EPHB1: variants seen among roughly 807,000 people sequenced by gnomAD.
The protein encoded by EPHB1 is EPH receptor B1.
A neutral mutation model predicts 94.4 loss-of-function variants in EPHB1; 30 were observed. That is an observed-to-expected ratio of 0.32 (90% CI 0.24 to 0.43). The LOEUF (loss-of-function observed/expected upper bound fraction) is 0.43, where lower values mean the gene tolerates loss of function less well. Among genes scored for constraint, EPHB1 ranks in the 20% least tolerant of loss-of-function variants. The pLI is 1.00. For missense variants in EPHB1, 1,055 were observed against 1,308.3 expected, an observed-to-expected ratio of 0.81 and a Z score of 2.99; for synonymous variants, 522 against 489.1, an observed-to-expected ratio of 1.07 and a Z score of -0.89.
chr3:134,915,596 G>A lies in EPHB1; in HGVS notation c.59-10220G>A, dbSNP rs149621390. Among the ~76,000 whole-genome samples, 24 of 152,316 alleles carry A rather than the reference G, an allele frequency of 1.6e-4. No homozygotes were observed. The East Asian group carries it at 3.5e-3, about 22-fold the overall frequency. On this transcript the variant is annotated intron_variant, in intron 1 of 15. Coordinates refer to ENST00000398015, the MANE Select transcript of EPHB1 (RefSeq NM_004441.5). ...GAGTGTTACAGTTCTTAAAGGCGGC[G>A]TGTCTGGACTTTGTTCCTTCTGATG...
intron 3 of EPHB1, among the ~76,000 whole-genome samples, chr3:134,994,018 T>C (rs1934905964): frequency 6.6e-6 from 1 of 152,240 alleles, no homozygotes; most frequent in Non-Finnish European, 1.5e-5. Flanking sequence ...AGATGCCATC[T>C]CTTCCATGAA....
rs866132857 is a variant in EPHB1, at chr3:135,217,466, A to G, written c.2346+15777A>G. Among the ~76,000 whole-genome samples the G allele has an allele frequency of 6.2e-3, 735 of 117,874 alleles. 2 individuals are homozygous for G. Among genetic ancestry groups the G allele is most frequent in the African/African-American group, 0.024 (633 of 26,840 alleles). 77.3% of individuals were successfully genotyped at this position (117,874 alleles called of 152,430 possible). A position where few individuals can be genotyped will look rare whatever the true frequency, so the allele number is the denominator to read the frequency against. On this transcript the variant is annotated intron_variant, in intron 12 of 15. Coordinates refer to ENST00000398015, the MANE Select transcript of EPHB1 (RefSeq NM_004441.5). ...CACACACACACACACACACACACAC[A>G]CGCACACGGGGAGAGAGAGAGAGAG...
chr3:135,146,469 G>C (rs80163877), intron 5 of EPHB1, among the ~76,000 whole-genome samples: 1 of 152,184 alleles, frequency 6.6e-6, no homozygotes, highest in Non-Finnish European at 1.5e-5. Flanking sequence ...TGGGAGCATC[G>C]GGGGCTCCTG....
chr3:135,231,326 C>T (rs1205636377), intron 12 of EPHB1, among the ~76,000 whole-genome samples: 2 of 152,170 alleles, frequency 1.3e-5, no homozygotes, highest in South Asian at 2.1e-4. Flanking sequence ...GCTGTTTGCC[C>T]AGTCAGTATA....
At chr3:134,875,348 G>A (rs966983772) in intron 1 of EPHB1, among the ~76,000 whole-genome samples, 7 of 152,160 alleles carry the variant, frequency 4.6e-5, no homozygotes, top group Non-Finnish European at 1.0e-4. Context: ...AGGCCAGCTG[G>A]GAGGGAGAGA....
chr3:135,166,892 G>A, intron 8 of EPHB1, 50 bp from the exon 9 acceptor site: 1 of 1,606,030 alleles, frequency 6.2e-7, no homozygotes, highest in Middle Eastern at 1.7e-4. Flanking sequence ...ACCTGGAACA[G>A]ACTGGTGGGT....
intron 3 of EPHB1, among the ~76,000 whole-genome samples, chr3:135,027,868 T>A (rs1936252074): frequency 7.4e-6 from 1 of 135,150 alleles, no homozygotes; most frequent in Non-Finnish European, 1.6e-5. Context: ...CTCTTTTTGC[T>A]TGGTAAGGTA....
At chr3:134,866,666 G>A (rs1386870165) in intron 1 of EPHB1, among the ~76,000 whole-genome samples, 1 of 152,226 alleles carries the variant, frequency 6.6e-6, no homozygotes, top group Non-Finnish European at 1.5e-5. Context: ...GCAGCTGGCA[G>A]GGTATTTAGC....
intron 5 of EPHB1, among the ~76,000 whole-genome samples, chr3:135,145,935 G>A (rs931515837): frequency 2.6e-5 from 4 of 152,210 alleles, no homozygotes; most frequent in East Asian, 1.9e-4. Flanking sequence ...AGAAGAGCCC[G>A]CAATCATTGC....
chr3:134,860,557 G>A (rs2037232432), intron 1 of EPHB1, among the ~76,000 whole-genome samples: 1 of 152,158 alleles, frequency 6.6e-6, no homozygotes, highest in African/African-American at 2.4e-5. Flanking sequence ...GCTCACGCCT[G>A]TAATCCCAGC....
At chr3:135,229,980 G>A (rs1163271765) in intron 12 of EPHB1, among the ~76,000 whole-genome samples, 1 of 152,216 alleles carries the variant, frequency 6.6e-6, no homozygotes, top group Non-Finnish European at 1.5e-5. Flanking sequence ...CATGGGGAAA[G>A]GCCCAGGGGT....
At chr3:135,102,312 G>A (rs1047796185) in intron 3 of EPHB1, among the ~76,000 whole-genome samples, 1 of 152,194 alleles carries the variant, frequency 6.6e-6, no homozygotes, top group African/African-American at 2.4e-5. Flanking sequence ...TCAAGTGACT[G>A]ACCTGGCTCC....
intron 3 of EPHB1, among the ~76,000 whole-genome samples, chr3:135,035,174 A>T (rs1936607019): frequency 6.6e-6 from 1 of 152,186 alleles, no homozygotes; most frequent in Non-Finnish European, 1.5e-5. Flanking sequence ...GCCCACACGA[A>T]GTGGGGATGG....
chr3:135,145,834 C>G (rs1037192215), intron 5 of EPHB1, among the ~76,000 whole-genome samples: 1 of 152,166 alleles, frequency 6.6e-6, no homozygotes. Context: ...ACCCTGGCTC[C>G]CTTTTCCACC....
intron 1 of EPHB1, among the ~76,000 whole-genome samples, chr3:134,807,494 AGTGT>A (rs151336394): frequency 0.041 from 5,632 of 138,394 alleles, 207 homozygotes; most frequent in African/African-American, 0.11. Context: ...TTGGGGAAGG[AGTGT>A]GTGTGTGTGT....
At chr3:134,955,740 G>C (rs959073551) in intron 3 of EPHB1, among the ~76,000 whole-genome samples, 2 of 152,160 alleles carry the variant, frequency 1.3e-5, no homozygotes, top group African/African-American at 4.8e-5. Flanking sequence ...ACACAGGCTG[G>C]TCCCATCAGG....
chr3:134,943,531 G>A (rs1395076770), intron 2 of EPHB1, among the ~76,000 whole-genome samples: 1 of 152,144 alleles, frequency 6.6e-6, no homozygotes, highest in Non-Finnish European at 1.5e-5. Flanking sequence ...GTTGAACTTG[G>A]GGAGCATTTT....
chr3:134,866,547 A>G (rs903194006), intron 1 of EPHB1, among the ~76,000 whole-genome samples: 2 of 152,156 alleles, frequency 1.3e-5, no homozygotes, highest in East Asian at 3.9e-4. Flanking sequence ...GTCATTGGCC[A>G]CTGCTGGAGT....
chr3:135,039,896 A>G (rs1936780983), intron 3 of EPHB1, among the ~76,000 whole-genome samples: 1 of 152,162 alleles, frequency 6.6e-6, no homozygotes, highest in African/African-American at 2.4e-5. Flanking sequence ...AGGGCTCCTC[A>G]AATGCCACCA....
Sources: allele counts gnomAD v4.1 joint callset (sites outside exome capture counted in the v4.1 genomes callset), GRCh38; gene constraint gnomAD v4.1.1; transcripts MANE v1.5; gene names NCBI Gene and HGNC (gene_info 2026-07-23, HGNC 2026-07-21).